The following MOBP variants were observed in gnomAD, a reference collection of about 807,000 sequenced individuals.
The protein encoded by MOBP is myelin associated oligodendrocyte basic protein, also known as myelin-associated oligodendrocyte basic protein.
Under a neutral mutation model 15.0 loss-of-function variants are expected in MOBP, and 5 were observed. The observed-to-expected ratio is 0.33, with a 90% confidence interval of 0.17 to 0.70. MOBP has a LOEUF of 0.70. Ranked by LOEUF, MOBP falls within the 30% of genes least tolerant of loss-of-function variation. The pLI, the probability that MOBP is intolerant of heterozygous loss-of-function variation, is 0.67. For synonymous variants in MOBP, 88 were observed against 99.0 expected, an observed-to-expected ratio of 0.89 and a Z score of 0.66; for missense variants, 188 against 257.8, an observed-to-expected ratio of 0.73 and a Z score of 1.85.
At chr3:39,469,437 A>G (rs181054001) in intron 1 of MOBP, among the ~76,000 whole-genome samples, 1 of 151,428 alleles carries the variant, frequency 6.6e-6, no homozygotes, top group African/African-American at 2.4e-5. Flanking sequence ...ATTGGAATTA[A>G]TTAAAATTAG....
At chr3:39,474,853 G>A (rs1230499030) in intron 1 of MOBP, among the ~76,000 whole-genome samples, 1 of 152,070 alleles carries the variant, frequency 6.6e-6, no homozygotes, top group Non-Finnish European at 1.5e-5. Flanking sequence ...TATTACCCAC[G>A]TTGCAAATAC....
intron 2 of MOBP, among the ~76,000 whole-genome samples, chr3:39,498,475 C>T (rs912471783): frequency 6.6e-6 from 1 of 152,142 alleles, no homozygotes; most frequent in South Asian, 2.1e-4. Context: ...CTCAGCTGCC[C>T]GAGTAGCTGG....
intron 2 of MOBP, among the ~76,000 whole-genome samples, chr3:39,484,666 C>T (rs2042675621): frequency 6.6e-6 from 1 of 152,232 alleles, no homozygotes; most frequent in African/African-American, 2.4e-5. Context: ...ATTTACATAA[C>T]ATTCAGAAAA....
downstream of MOBP, among the ~76,000 whole-genome samples, chr3:39,505,724 C>T (rs1462020386): frequency 6.6e-6 from 1 of 152,190 alleles, no homozygotes; most frequent in Non-Finnish European, 1.5e-5. Context: ...TGGTTAACTA[C>T]GCCTTCTCTG....
downstream of MOBP, chr3:39,528,886 C>G (rs2043361450): frequency 6.6e-6 from 1 of 152,272 alleles, no homozygotes. Context: ...GTTTTATCAA[C>G]TAGTAGTGTG....
downstream of MOBP, among the ~76,000 whole-genome samples, chr3:39,518,812 T>C (rs2043232133): frequency 6.6e-6 from 1 of 152,176 alleles, no homozygotes; most frequent in Admixed American, 6.5e-5. Context: ...TCTTTACACC[T>C]TATATATCCT....
chr3:39,516,414 T>C (rs2043203281), downstream of MOBP, among the ~76,000 whole-genome samples: 1 of 152,084 alleles, frequency 6.6e-6, no homozygotes, highest in East Asian at 1.9e-4. Flanking sequence ...GCCTTTTCAC[T>C]GGAAAAGAGG....
chr3:39,502,989 T>G lies in MOBP; in HGVS notation c.*109T>G. The G allele has an allele frequency of 3.3e-6, 2 of 597,694 alleles. No homozygotes were observed. The highest frequency in any genetic ancestry group is 5.8e-6 in the Non-Finnish European group (2 of 342,378). The allele number at this position is 597,694 out of a possible 1,614,324, so 37.0% of individuals were successfully genotyped here. On this transcript the variant is annotated 3_prime_UTR_variant, in exon 4 of 4. Transcript: ENST00000684792. This position sits in a 1 kb window ranked among gnomAD's most constrained non-coding sequence, Gnocchi z 6.3. Reference sequence around the variant, plus strand: ...CTCTTCAGCCTTATTACCCAACCTGTGTAATCAGCTCCCTCCATTAAATCC... The same window carrying G: ...CTCTTCAGCCTTATTACCCAACCTGGGTAATCAGCTCCCTCCATTAAATCC...
chr3:39,508,407 C>T (rs2043075377), intron 4 of MOBP, among the ~76,000 whole-genome samples: 1 of 152,204 alleles, frequency 6.6e-6, no homozygotes, highest in Non-Finnish European at 1.5e-5. Context: ...AGTCAACTCC[C>T]CAGCCCATAG....
chr3:39,510,020 A>AT (rs1483552639), intron 4 of MOBP, among the ~76,000 whole-genome samples: 2 of 152,036 alleles, frequency 1.3e-5, no homozygotes, highest in African/African-American at 2.4e-5. Flanking sequence ...TTGAGGTTCA[A>AT]TTTTTTTGTA....
chr3:39,503,515 T>G (rs2043006783), downstream of MOBP, among the ~76,000 whole-genome samples: 1 of 150,890 alleles, frequency 6.6e-6, no homozygotes, highest in Non-Finnish European at 1.5e-5. Context: ...CATGGGACCA[T>G]GAGAACCATA....
chr3:39,502,998 C>A lies in MOBP; in HGVS notation c.*118C>A. On this transcript the variant is annotated 3_prime_UTR_variant, in exon 4 of 4. Transcript: ENST00000684792. This position sits in a 1 kb window ranked among gnomAD's most constrained non-coding sequence, Gnocchi z 6.3. The stretch of plus-strand genomic sequence containing the variant: ...CTTATTACCCAACCTGTGTAATCAG[C>A]TCCCTCCATTAAATCCCCTCTGTTT... 1.7e-6 allele frequency: 1 copy of A among 585,470 alleles called. No individual in the cohort carries two copies. Among genetic ancestry groups the A allele is most frequent in the Non-Finnish European group, 3.0e-6 (1 of 335,772 alleles). The allele number at this position is 585,470 out of a possible 1,614,324, so 36.3% of individuals were successfully genotyped here.
At chr3:39,487,629 T>G (rs2042735516) in intron 2 of MOBP, among the ~76,000 whole-genome samples, 1 of 150,094 alleles carries the variant, frequency 6.7e-6, no homozygotes, top group African/African-American at 2.4e-5. Flanking sequence ...GTTCACGCCA[T>G]TCTTCTGCCT....
chr3:39,513,998 A>G (rs1183298169), exon 5 of MOBP: 2 of 152,910 alleles, frequency 1.3e-5, no homozygotes, highest in East Asian at 3.9e-4. Context: ...TGAGTAAGAT[A>G]TTAGGCTTCC....
At chr3:39,481,079 A>G (rs924491304) in intron 2 of MOBP, among the ~76,000 whole-genome samples, 1 of 152,162 alleles carries the variant, frequency 6.6e-6, no homozygotes, top group African/African-American at 2.4e-5. Flanking sequence ...CCATTACTTC[A>G]ATTCTTCTCT....
chr3:39,513,589 A>AG, exon 5 of MOBP: 1 of 687,888 alleles, frequency 1.5e-6, no homozygotes, highest in Non-Finnish European at 2.5e-6. Flanking sequence ...TGGGGGCCTC[A>AG]GGGCAGCCTG....
At position 39,502,995 on chromosome 3, in the gene MOBP, C is replaced by A; in HGVS notation, c.*115C>A. 5.1e-6 allele frequency: 3 copies of A among 586,900 alleles called. No individual in the cohort carries two copies. Among genetic ancestry groups the A allele is most frequent in the Non-Finnish European group, 8.9e-6 (3 of 336,520 alleles). The allele number at this position is 586,900 out of a possible 1,614,324, so 36.4% of individuals were successfully genotyped here. A position where few individuals can be genotyped will look rare whatever the true frequency, so the allele number is the denominator to read the frequency against. On this transcript the variant is annotated 3_prime_UTR_variant, in exon 4 of 4. Coordinates refer to ENST00000684792, the MANE Select transcript of MOBP (RefSeq NM_001393704.1). The surrounding 1 kb of genome is among the most constrained non-coding windows in gnomAD (Gnocchi z 6.3). ...AGCCTTATTACCCAACCTGTGTAAT[C>A]AGCTCCCTCCATTAAATCCCCTCTG...
At chr3:39,477,160 T>C (rs962015246) in intron 1 of MOBP, among the ~76,000 whole-genome samples, 1 of 152,162 alleles carries the variant, frequency 6.6e-6, no homozygotes, top group East Asian at 1.9e-4. Flanking sequence ...TCACAGTGTC[T>C]CCTCATTAAT....
At chr3:39,512,591 A>G (rs911675827) in intron 4 of MOBP, among the ~76,000 whole-genome samples, 1 of 152,216 alleles carries the variant, frequency 6.6e-6, no homozygotes, top group African/African-American at 2.4e-5. Context: ...TATTGCTAAT[A>G]TCTGAGTATA....
Sources: gnomAD v4.1 joint callset for allele counts (sites outside exome capture counted in the v4.1 genomes callset) on GRCh38, gnomAD v4.1.1 for gene constraint, Gnocchi (gnomAD v3.1) non-coding constraint, MANE v1.5 for transcripts, NCBI Gene and HGNC (gene_info 2026-07-23, HGNC 2026-07-21) for gene names.